The following MTUS2 variants were observed in gnomAD, a reference collection of about 807,000 sequenced individuals.
The protein encoded by MTUS2 is microtubule-associated tumor suppressor candidate 2.
A neutral mutation model predicts 114.1 loss-of-function variants in MTUS2; 40 were observed. The ratio of observed to expected loss-of-function variants is 0.35; its 90% CI spans 0.27 to 0.46. MTUS2 has a LOEUF of 0.46. Among genes scored for constraint, MTUS2 ranks in the 20% least tolerant of loss-of-function variants. The pLI is 1.00. For synonymous variants in MTUS2, 688 were observed against 672.0 expected, an observed-to-expected ratio of 1.02 and a Z score of -0.37; for missense variants, 1,679 against 1,705.4, an observed-to-expected ratio of 0.98 and a Z score of 0.27.
At chr13:28,940,706 A>G (rs1227478231) in intron 2 of MTUS2, among the ~76,000 whole-genome samples, 1 of 152,200 alleles carries the variant, frequency 6.6e-6, no homozygotes, top group East Asian at 1.9e-4. Context: ...ATATAGGTAA[A>G]GAAGGAAATA....
intron 2 of MTUS2, among the ~76,000 whole-genome samples, chr13:29,017,896 A>T (rs1228578387): frequency 6.6e-6 from 1 of 152,246 alleles, no homozygotes; most frequent in Non-Finnish European, 1.5e-5. Flanking sequence ...AGACACATGT[A>T]ACGATAATAA....
chr13:29,344,111 A>G (rs1286500598), intron 7 of MTUS2, among the ~76,000 whole-genome samples: 2 of 152,110 alleles, frequency 1.3e-5, no homozygotes, highest in Non-Finnish European at 2.9e-5. Context: ...GTGCTGATGA[A>G]TGTACATTCT....
chr13:28,984,471 A>G (rs972096940), intron 2 of MTUS2, among the ~76,000 whole-genome samples: 13 of 151,940 alleles, frequency 8.6e-5, no homozygotes, highest in African/African-American at 2.9e-4. Context: ...CAGTGCTTCT[A>G]CCTCCTGGTC....
chr13:29,442,008 C>T (rs965442887), intron 9 of MTUS2, among the ~76,000 whole-genome samples: 4 of 152,188 alleles, frequency 2.6e-5, no homozygotes, highest in Admixed American at 6.5e-5. Flanking sequence ...TCCTCCTGAG[C>T]GAAGCTGCCA....
chr13:29,267,087 T>C (rs1897693417), intron 5 of MTUS2, among the ~76,000 whole-genome samples: 2 of 152,166 alleles, frequency 1.3e-5, no homozygotes, highest in Non-Finnish European at 2.9e-5. Flanking sequence ...CAAGAGGCAC[T>C]AAGGGCTAAC....
chr13:28,976,522 T>A (rs930845367), intron 2 of MTUS2, among the ~76,000 whole-genome samples: 13 of 152,016 alleles, frequency 8.6e-5, no homozygotes, highest in African/African-American at 3.1e-4. Flanking sequence ...GGAGGATGAA[T>A]GGAGGGGAAG....
intron 5 of MTUS2, among the ~76,000 whole-genome samples, chr13:29,257,027 A>G (rs1488047775): frequency 1.3e-5 from 2 of 152,268 alleles, no homozygotes; most frequent in African/African-American, 2.4e-5. Flanking sequence ...ATATACATAT[A>G]TGTATATTTG....
intron 2 of MTUS2, among the ~76,000 whole-genome samples, chr13:28,897,520 C>A (rs975772003): frequency 6.6e-6 from 1 of 152,132 alleles, no homozygotes; most frequent in Admixed American, 6.5e-5. Context: ...ACTAGAAATA[C>A]CATTTGACCC....
At chr13:29,408,054 G>T (rs2138531448) in intron 8 of MTUS2, among the ~76,000 whole-genome samples, 1 of 152,082 alleles carries the variant, frequency 6.6e-6, no homozygotes, top group South Asian at 2.1e-4. Flanking sequence ...ATTAGAAATA[G>T]TTTCTACATA....
At chr13:29,093,121 C>T (rs922824141) in intron 4 of MTUS2, among the ~76,000 whole-genome samples, 5 of 152,080 alleles carry the variant, frequency 3.3e-5, no homozygotes, top group African/African-American at 1.2e-4. Flanking sequence ...TGTTAGCAGT[C>T]AAAGTGAAAA....
intron 5 of MTUS2, among the ~76,000 whole-genome samples, chr13:29,254,480 C>T (rs61033914): frequency 0.079 from 12,015 of 152,272 alleles, 1,528 homozygotes; most frequent in African/African-American, 0.27. Flanking sequence ...AGCAACAAGT[C>T]GTACCAACAC....
chr13:29,468,643 C>T (rs1376291811), intron 9 of MTUS2, among the ~76,000 whole-genome samples: 1 of 152,002 alleles, frequency 6.6e-6, no homozygotes, highest in African/African-American at 2.4e-5. Flanking sequence ...GGACTGAGTC[C>T]TGGCTTGTCT....
Position 29,037,554 on chromosome 13 carries a change from G to T in MTUS2, c.2446+3429G>T, listed in dbSNP as rs187003406. ...GAGTATTTCCTGAAATTGAATATTG[G>T]CCTGTCTTGCTAGGTTGGGGAAGTT... On this transcript the variant is annotated intron_variant, in intron 4 of 15. Transcript: ENST00000612955. Among the ~76,000 whole-genome samples the T allele has an allele frequency of 8.5e-5, 13 of 152,202 alleles. 1 individual carries two copies. In the East Asian group the frequency reaches 2.5e-3, roughly 29 times the overall value.
chr13:28,894,331 A>G (rs61950536), intron 2 of MTUS2, among the ~76,000 whole-genome samples: 80 of 33,072 alleles, frequency 2.4e-3, no homozygotes, highest in Admixed American at 2.8e-3. Flanking sequence ...GGAGGGAGGG[A>G]GAGAGAGAGA....
chr13:29,089,284 G>A (rs140042725), intron 4 of MTUS2, among the ~76,000 whole-genome samples: 28 of 152,234 alleles, frequency 1.8e-4, no homozygotes, highest in African/African-American at 5.5e-4. Context: ...ATAGGGCCCC[G>A]ATCTCTTTTG....
chr13:29,155,642 T>G (rs1892827284), intron 5 of MTUS2, among the ~76,000 whole-genome samples: 1 of 152,108 alleles, frequency 6.6e-6, no homozygotes, highest in Non-Finnish European at 1.5e-5. Context: ...TTGTGGAAAA[T>G]GTATGATCTA....
At chr13:29,147,223 T>C (rs1304299460) in intron 5 of MTUS2, among the ~76,000 whole-genome samples, 1 of 152,128 alleles carries the variant, frequency 6.6e-6, no homozygotes, top group Non-Finnish European at 1.5e-5. Flanking sequence ...TGTTGGAACC[T>C]CCCAACACCC....
rs1890396264 is a variant in MTUS2 at position 29,101,014 on chromosome 13, AC to A, written c.2644+46del. On this transcript the variant is annotated intron_variant, in intron 5 of 15. Transcript: ENST00000612955. ...GGTGGGGTGCCTTCACTGAATTAAA[AC>A]CGGCGCGCCTGTGTAACTGTGTGTC... 3 of 1,488,126 alleles carry A rather than the reference AC, an allele frequency of 2.0e-6. No individual in the cohort carries two copies. The South Asian group carries it at 3.9e-5, about 19-fold the overall frequency. 92.2% of individuals were successfully genotyped at this position (1,488,126 alleles called of 1,614,324 possible). A position where few individuals can be genotyped will look rare whatever the true frequency, so the allele number is the denominator to read the frequency against.
At chr13:28,981,465 T>A (rs1362945576) in intron 2 of MTUS2, among the ~76,000 whole-genome samples, 4 of 152,270 alleles carry the variant, frequency 2.6e-5, no homozygotes, top group African/African-American at 7.2e-5. Flanking sequence ...CTGTTCTATA[T>A]CTTGACTATG....
Sources: gnomAD v4.1 joint callset for allele counts (sites outside exome capture counted in the v4.1 genomes callset) on GRCh38, gnomAD v4.1.1 for gene constraint, MANE v1.5 for transcripts, NCBI Gene and HGNC (gene_info 2026-07-23, HGNC 2026-07-21) for gene names.